Variants in ZNF282 observed in about 807,000 individuals in gnomAD.
The protein encoded by ZNF282 is zinc finger protein 282, also known as HTLV-I U5 repressive element-binding protein 1.
In ZNF282, 30 loss-of-function variants were observed where a neutral mutation model predicts 61.9. That is an observed-to-expected ratio of 0.48 (90% CI 0.36 to 0.66). The LOEUF (loss-of-function observed/expected upper bound fraction) is 0.66. Ranked by LOEUF, ZNF282 falls within the 30% of genes least tolerant of loss-of-function variation. The probability of loss-of-function intolerance (pLI) is 0.00; values close to 1 mark genes in which losing one functional copy is unlikely to be tolerated. For synonymous variants in ZNF282, 396 were observed against 405.0 expected (o/e 0.98, Z 0.27); for missense variants, 788 against 941.4 (o/e 0.84, Z 2.13).
At position 149,224,335 on chromosome 7, in the gene ZNF282, C is replaced by T. The variant is rs1233165034; in HGVS notation, c.1704C>T (p.His568=). 7 of 1,613,824 alleles carry T rather than the reference C, an allele frequency of 4.3e-6. No individual in the cohort carries two copies. The highest frequency in any genetic ancestry group is 5.9e-6 in the Non-Finnish European group (7 of 1,179,944). ...GCCTCATCCGCCACCAGATGACGCA[C>T]CGCGGCGAGCGGCCCTACAAGTGCT... is the stretch of plus-strand genomic sequence containing the variant. ...HSGLIRHQMT[H]RGERPYKCSE... is the part of the protein sequence containing the mutation. The change falls in exon 8 of 8, where the codon CAC becomes CAT. Residue 568 remains histidine, a synonymous_variant. Coordinates refer to ENST00000610704, the MANE Select transcript of ZNF282 (RefSeq NM_003575.4).
rs1274118925 is a variant in ZNF282, at chr7:149,224,875, G to C, written c.*228G>C. ...CTGCTGGGGAAGAGCCAGGGGGACC[G>C]CGAGGAGCCGAGCGTCCTCGGGCAC... On this transcript the variant is annotated 3_prime_UTR_variant, in exon 8 of 8. Transcript: ENST00000610704. The C allele has an allele frequency of 9.1e-6, 7 of 769,064 alleles. No individual in the cohort carries two copies. The highest frequency in any genetic ancestry group is 1.8e-5 in the African/African-American group (1 of 57,024). The allele number at this position is 769,064 out of a possible 1,614,324, so 47.6% of individuals were successfully genotyped here.
intron 5 of ZNF282, among the ~76,000 whole-genome samples, chr7:149,211,892 T>A (rs1170621111): frequency 2.0e-5 from 3 of 152,190 alleles, no homozygotes. Context: ...GAGTATAGGG[T>A]CTTTTTCTTA....
chr7:149,199,979 T>A, intron 2 of ZNF282, among the ~76,000 whole-genome samples: 1 of 152,224 alleles, frequency 6.6e-6, no homozygotes, highest in East Asian at 1.9e-4. Flanking sequence ...GTGATTAGAT[T>A]TTCAGTTGTT....
chr7:149,206,502 TC>T, intron 2 of ZNF282, 193 bp from the exon 3 acceptor site: 1 of 730,408 alleles, frequency 1.4e-6, no homozygotes. Flanking sequence ...GGGTTGACCA[TC>T]CGTGTTATTG....
intron 7 of ZNF282, among the ~76,000 whole-genome samples, chr7:149,218,517 C>T (rs1274642143): frequency 6.6e-6 from 1 of 152,146 alleles, no homozygotes; most frequent in Non-Finnish European, 1.5e-5. Context: ...TGAGGTGACA[C>T]TCAAGTAGCA....
chr7:149,198,850 T>G lies in ZNF282; in HGVS notation c.585+98T>G. ...TGTCAGCCCTTCTCATAAACTTCTC[T>G]GGCTCCCCGTTATCCAATTTCAGTG... On this transcript the variant is annotated intron_variant, in intron 2 of 7. Coordinates refer to ENST00000610704, the MANE Select transcript of ZNF282 (RefSeq NM_003575.4). This position sits in a 1 kb window ranked among gnomAD's most constrained non-coding sequence, Gnocchi z 4.3. 9 of 1,456,570 alleles carry G rather than the reference T, an allele frequency of 6.2e-6. No individual in the cohort carries two copies. The highest frequency in any genetic ancestry group is 8.2e-6 in the Non-Finnish European group (9 of 1,093,464). The allele number at this position is 1,456,570 out of a possible 1,614,324, so 90.2% of individuals were successfully genotyped here. A position where few individuals can be genotyped will look rare whatever the true frequency, so the allele number is the denominator to read the frequency against.
chr7:149,207,524 C>A, intron 4 of ZNF282, 54 bp downstream of exon 4: 1 of 1,548,614 alleles, frequency 6.5e-7, no homozygotes, highest in South Asian at 1.2e-5. Context: ...AGAGGACAGC[C>A]GGCTTTCCGC....
chr7:149,209,469 A>G (rs1796048139), intron 4 of ZNF282, among the ~76,000 whole-genome samples: 1 of 152,154 alleles, frequency 6.6e-6, no homozygotes, highest in Admixed American at 6.5e-5. Context: ...GTCTTCATCA[A>G]GGACTGCAGA....
intron 6 of ZNF282, among the ~76,000 whole-genome samples, chr7:149,213,457 C>T (rs556623444): frequency 4.0e-4 from 61 of 152,260 alleles, no homozygotes; most frequent in African/African-American, 1.1e-3. Context: ...GTTTTAATCC[C>T]GGCCCTGCCA....
In ZNF282 at chr7:149,195,864, G is replaced by A. The variant is rs541307501; in HGVS notation, c.165+110G>A. The A allele has an allele frequency of 2.0e-5, 21 of 1,041,672 alleles. No homozygotes were observed. In the South Asian group the frequency reaches 6.0e-4, roughly 30 times the overall value. The allele number at this position is 1,041,672 out of a possible 1,614,324, so 64.5% of individuals were successfully genotyped here. A position where few individuals can be genotyped will look rare whatever the true frequency, so the allele number is the denominator to read the frequency against. ...CCGGTAGCCTTGCGGCGCCCTCCCA[G>A]CTTCCGCGCCCAGGCGAGGCCCGAG... On this transcript the variant is annotated intron_variant, in intron 1 of 7. Transcript: ENST00000610704.
chr7:149,207,553 G>A (rs1796016408), intron 4 of ZNF282, 83 bp downstream of exon 4: 13 of 1,524,394 alleles, frequency 8.5e-6, no homozygotes, highest in Non-Finnish European at 9.7e-6. Context: ...GCCGCGAGGC[G>A]CCACTGTGTG....
intron 1 of ZNF282, among the ~76,000 whole-genome samples, chr7:149,197,436 A>G (rs181894147): frequency 2.0e-5 from 3 of 152,182 alleles, no homozygotes; most frequent in Non-Finnish European, 2.9e-5. Context: ...CTTTTCCTTG[A>G]CTGCAGCCCT....
intron 4 of ZNF282, among the ~76,000 whole-genome samples, chr7:149,209,245 C>T (rs1796044576): frequency 6.6e-6 from 1 of 151,732 alleles, no homozygotes; most frequent in East Asian, 1.9e-4. Context: ...TGGCGTGAAC[C>T]CGGGAGGCGG....
In ZNF282 at chr7:149,224,522, A is replaced by G; in HGVS notation, c.1891A>G (p.Thr631Ala). 6.2e-7 allele frequency: 1 copy of G among 1,610,216 alleles called. No homozygotes were observed. The highest frequency in any genetic ancestry group is 1.7e-5 in the Admixed American group (1 of 59,862). Reference protein sequence around the residue: ...QRIHTGERPYTCGECGKSFRY... With the variant: ...QRIHTGERPYACGECGKSFRY... Reference sequence around the variant, plus strand: ...CATCCACACGGGCGAGCGCCCCTACACGTGCGGCGAGTGCGGCAAGAGCTT... The same window carrying G: ...CATCCACACGGGCGAGCGCCCCTACGCGTGCGGCGAGTGCGGCAAGAGCTT... Residue 631 changes from threonine (T) to alanine (A), a missense_variant, in exon 8 of 8, where the codon ACG becomes GCG. Physicochemically the swap from Thr to Ala is moderately conservative, Grantham distance 58. This residue lies in a region of ZNF282 where 559 missense variants were observed against 642.0 expected (regional missense o/e 0.87). Transcript: ENST00000610704.
chr7:149,199,116 G>A (rs895910291), intron 2 of ZNF282, among the ~76,000 whole-genome samples: 7 of 152,160 alleles, frequency 4.6e-5, no homozygotes, highest in African/African-American at 1.2e-4. Flanking sequence ...TATGCTCACC[G>A]GAATGTGGCT....
intron 5 of ZNF282, 121 bp downstream of exon 5, chr7:149,210,825 T>G (rs978954681): frequency 4.8e-5 from 66 of 1,362,230 alleles, no homozygotes; most frequent in Non-Finnish European, 6.3e-5. Context: ...GAGCTCGAAA[T>G]GGAAGGGCTG....
At chr7:149,197,698 C>G (rs1795840993) in intron 1 of ZNF282, among the ~76,000 whole-genome samples, 1 of 152,232 alleles carries the variant, frequency 6.6e-6, no homozygotes, top group African/African-American at 2.4e-5. Flanking sequence ...GTCTTGAACT[C>G]CTGACCTCAA....
chr7:149,207,488 G>C lies in ZNF282; in HGVS notation c.832+18G>C, dbSNP rs1436762448. On this transcript the variant is annotated intron_variant, in intron 4 of 7. Transcript: ENST00000610704. ...CGAAGCAGGTGATGGCAGCAGAAGA[G>C]AGTGCGGGGTCCAGGGAAGGGCGAG... The C allele has an allele frequency of 1.9e-6, 3 of 1,557,174 alleles. No homozygotes were observed. The highest frequency in any genetic ancestry group is 2.6e-6 in the Non-Finnish European group (3 of 1,149,822).
chr7:149,217,191 GGT>G, intron 7 of ZNF282, among the ~76,000 whole-genome samples: 1 of 152,210 alleles, frequency 6.6e-6, no homozygotes, highest in Middle Eastern at 3.4e-3. Context: ...TTTTTTAGCA[GGT>G]ATTTACTTAA....
Sources: allele counts gnomAD v4.1 joint callset (sites outside exome capture counted in the v4.1 genomes callset), GRCh38; gene constraint gnomAD v4.1.1; regional missense constraint gnomAD v4.1.1; non-coding constraint Gnocchi (gnomAD v3.1); transcripts MANE v1.5; gene names NCBI Gene and HGNC (gene_info 2026-07-23, HGNC 2026-07-21).